The following FAM186A variants were observed in gnomAD, a reference collection of about 807,000 sequenced individuals.
FAM186A encodes protein FAM186A.
Under a neutral mutation model 216.8 loss-of-function variants are expected in FAM186A, and 163 were observed. That is an observed-to-expected ratio of 0.75 (90% CI 0.66 to 0.86). The LOEUF is 0.86. Ranked by LOEUF, FAM186A falls within the 40% of genes least tolerant of loss-of-function variation. The pLI, the probability that FAM186A is intolerant of heterozygous loss-of-function variation, is 0.00. For missense variants in FAM186A, 2,184 were observed against 2,746.2 expected (o/e 0.80, Z 4.58); for synonymous variants, 805 against 1,025.3 (o/e 0.79, Z 4.10).
In FAM186A at chr12:50,352,082, C is replaced by A. The variant is rs1187216924; in HGVS notation, c.4750G>T (p.Ala1584Ser). The A allele has an allele frequency of 6.5e-7, 1 of 1,536,876 alleles. No homozygotes were observed. Among genetic ancestry groups the A allele is most frequent in the African/African-American group, 1.4e-5 (1 of 72,296 alleles). Residue 1584 changes from alanine to serine, a missense_variant, in exon 4 of 8, where the codon GCG becomes TCG. Ala to Ser is a moderately conservative substitution (Grantham distance 99). This residue lies in a region of FAM186A where 16 missense variants were observed against 91.3 expected (regional missense o/e 0.18). Transcript: ENST00000327337. The stretch of plus-strand genomic sequence containing the variant: ...GTGAGAGGGATCCCCAGTTCCTGCG[C>A]CTGCTGAGGGGTGAGAGGGATCCCC... ...ALGIPLTPQQAQELGIPLTPQ... is the reference protein window; with the variant it reads ...ALGIPLTPQQSQELGIPLTPQ...
At chr12:50,380,769 T>A (rs910952268) in intron 1 of FAM186A, among the ~76,000 whole-genome samples, 2 of 152,014 alleles carry the variant, frequency 1.3e-5, no homozygotes, top group Non-Finnish European at 2.9e-5. Flanking sequence ...GTGGCCAACT[T>A]TTGCCCAAGT....
chr12:50,337,416 C>T (rs1335738549), intron 4 of FAM186A, among the ~76,000 whole-genome samples: 7 of 149,698 alleles, frequency 4.7e-5, no homozygotes, highest in Non-Finnish European at 1.0e-4. Flanking sequence ...CACCTCAGCC[C>T]CCCTCGGTAG....
intron 1 of FAM186A, among the ~76,000 whole-genome samples, chr12:50,387,012 A>C (rs2136107189): frequency 6.6e-6 from 1 of 152,174 alleles, no homozygotes; most frequent in Admixed American, 6.6e-5. Flanking sequence ...GACTTCCATG[A>C]TCAGACCAAA....
intron 1 of FAM186A, among the ~76,000 whole-genome samples, chr12:50,381,543 C>A (rs569398425): frequency 9.7e-4 from 141 of 144,812 alleles, no homozygotes; most frequent in Non-Finnish European, 1.5e-3. Flanking sequence ...GATTCTGTCT[C>A]AAAAAAAAAT....
intron 1 of FAM186A, among the ~76,000 whole-genome samples, chr12:50,395,990 C>T (rs1451460958): frequency 6.6e-6 from 1 of 151,742 alleles, no homozygotes; most frequent in African/African-American, 2.4e-5. Flanking sequence ...TCTTGAACTC[C>T]CGACCTCAGT....
chr12:50,380,940 C>G (rs1943249234), intron 1 of FAM186A, among the ~76,000 whole-genome samples: 2 of 151,526 alleles, frequency 1.3e-5, no homozygotes, highest in South Asian at 4.2e-4. Context: ...CTGTGCACAT[C>G]CAGGCATGCC....
At chr12:50,370,146 A>AAAAAAAAAAAAAAC (rs1434227458) in intron 1 of FAM186A, among the ~76,000 whole-genome samples, 1 of 148,350 alleles carries the variant, frequency 6.7e-6, no homozygotes, top group African/African-American at 2.5e-5. Context: ...AAAAAAAAAA[A>AAAAAAAAAAAAAAC]AGCAAAACTT....
In FAM186A at chr12:50,352,882, G is replaced by C; in HGVS notation, c.3950C>G (p.Pro1317Arg). 6.5e-7 allele frequency: 1 copy of C among 1,537,492 alleles called. No individual in the cohort carries two copies. Among genetic ancestry groups the C allele is most frequent in the Non-Finnish European group, 8.8e-7 (1 of 1,139,352 alleles). The change falls in exon 4 of 8, where the codon CCT becomes CGT. Residue 1317 changes from proline (P) to arginine (R), a missense_variant. By Grantham distance (103) the Pro-to-Arg change is moderately radical (BLOSUM62 -2). Around this residue, in one of 7 missense-constraint regions of FAM186A, gnomAD observed 267 missense variants for 446.2 expected, o/e 0.60. Transcript: ENST00000327337. ...QAQALGIPFT[P>R]QQAQALGIPL... ...GATCCCCAGGGCCTGCGCCTGCTGA[G>C]GGGTGAAAGGGATCCCCAGAGCCTG...
In FAM186A at chr12:50,354,166, C is replaced by T. The variant is rs762309200; in HGVS notation, c.2666G>A (p.Trp889Ter). The T allele has an allele frequency of 1.1e-5, 17 of 1,551,468 alleles. No homozygotes were observed. The highest frequency in any genetic ancestry group is 4.8e-5 in the South Asian group (4 of 84,064). ...SQKQWQEEEM[W>*]KEEQKQATPK... The stretch of plus-strand genomic sequence containing the variant: ...AGTTGCCTGTTTTTGCTCTTCCTTC[C>T]ACATCTCTTCTTCCTGCCACTGTTT... The change falls in exon 4 of 8, where the codon TGG (tryptophan) becomes TAG (stop). Residue 889 changes from tryptophan (W) to a stop codon, truncating the protein, a stop_gained. Coordinates refer to ENST00000327337, the MANE Select transcript of FAM186A (RefSeq NM_001145475.3). LOFTEE classifies it high-confidence loss of function.
chr12:50,388,659 C>T (rs1943328253), intron 1 of FAM186A, among the ~76,000 whole-genome samples: 1 of 151,314 alleles, frequency 6.6e-6, no homozygotes. Context: ...ATCCTGTCAA[C>T]TAAGTGACAG....
Position 50,354,097 on chromosome 12 carries a change from T to C in FAM186A, c.2735A>G (p.Gln912Arg), listed in dbSNP as rs115075008. Reference protein sequence around the residue: ...EQEEKQKQRGQEEEELPKSSL... With the variant: ...EQEEKQKQRGREEEELPKSSL... ...TGACTTTGGAAGCTCTTCTTCCTCC[T>C]GTCCTCTTTGCTTTTGCTTTTCCTC... The change falls in exon 4 of 8, where the codon CAG becomes CGG. Residue 912 changes from glutamine to arginine, a missense_variant. Gln to Arg is a conservative substitution (Grantham distance 43, BLOSUM62 1). This residue lies in a region of FAM186A where 1,132 missense variants were observed against 1,263.4 expected (regional missense o/e 0.90). Transcript: ENST00000327337. 1.4e-3 allele frequency: 2,103 copies of C among 1,551,782 alleles called. 24 individuals carry two copies. In the African/African-American group the frequency reaches 0.026, roughly 19 times the overall value.
chr12:50,388,286 A>G (rs886875269), intron 1 of FAM186A, among the ~76,000 whole-genome samples: 1 of 152,196 alleles, frequency 6.6e-6, no homozygotes, highest in African/African-American at 2.4e-5. Flanking sequence ...GAATTGTTAT[A>G]TTTCACAATA....
chr12:50,394,168 C>G (rs1471724419), intron 1 of FAM186A, among the ~76,000 whole-genome samples: 3 of 152,162 alleles, frequency 2.0e-5, no homozygotes, highest in Admixed American at 2.0e-4. Context: ...ATCCACCTGC[C>G]TCTGCCTCCC....
intron 4 of FAM186A, among the ~76,000 whole-genome samples, chr12:50,342,845 C>T (rs1028863957): frequency 5.3e-5 from 8 of 151,494 alleles, no homozygotes; most frequent in African/African-American, 1.9e-4. Flanking sequence ...GATCATAACT[C>T]ATCACATCCT....
At chr12:50,376,642 T>C (rs762465205) in intron 1 of FAM186A, among the ~76,000 whole-genome samples, 3 of 152,068 alleles carry the variant, frequency 2.0e-5, no homozygotes, top group African/African-American at 4.8e-5. Flanking sequence ...AAAAGTACCA[T>C]CTGATCGGCC....
intron 4 of FAM186A, among the ~76,000 whole-genome samples, chr12:50,346,643 C>T (rs1472224270): frequency 2.0e-5 from 3 of 151,956 alleles, no homozygotes; most frequent in Non-Finnish European, 2.9e-5. Flanking sequence ...GTCAGGAGAT[C>T]GAGACCATCC....
Position 50,351,585 on chromosome 12 carries a change from C to T in FAM186A, c.5247G>A (p.Lys1749=). The change falls in exon 4 of 8, where the codon AAG becomes AAA. Residue 1749 remains lysine, a synonymous_variant. Transcript: ENST00000327337. ...TAGAAGAGACCCCGAATATAGAGGA[C>T]TTCTCAGCAGTAGGAGCTGATGATG... is the stretch of plus-strand genomic sequence containing the variant. ...SLASSAPTAE[K]SSIFGVSSTP... 6.4e-7 allele frequency: 1 copy of T among 1,551,082 alleles called. No individual in the cohort carries two copies. The highest frequency in any genetic ancestry group is 2.4e-5 in the East Asian group (1 of 40,918).
intron 1 of FAM186A, chr12:50,392,486 A>T (rs954142554): frequency 1.3e-5 from 2 of 151,830 alleles, no homozygotes; most frequent in Non-Finnish European, 2.9e-5. Context: ...TCACCGTGTT[A>T]GCCAGGATGG....
chr12:50,328,527 A>ATTTTTTTTTT (rs1565877156), intron 7 of FAM186A, among the ~76,000 whole-genome samples: 1 of 133,828 alleles, frequency 7.5e-6, no homozygotes, highest in African/African-American at 2.8e-5. Context: ...TTTATTTTTT[A>ATTTTTTTTTT]TTTTGAGAGA....
Sources: allele counts gnomAD v4.1 joint callset (sites outside exome capture counted in the v4.1 genomes callset), GRCh38; gene constraint gnomAD v4.1.1; regional missense constraint gnomAD v4.1.1; transcripts MANE v1.5; gene names NCBI Gene and HGNC (gene_info 2026-07-23, HGNC 2026-07-21).